The following KIRREL3 variants were observed in gnomAD, a reference collection of about 807,000 sequenced individuals.
KIRREL3 encodes kin of IRRE-like protein 3.
Under a neutral mutation model 89.7 loss-of-function variants are expected in KIRREL3, and 36 were observed. The observed-to-expected ratio is 0.40, with a 90% confidence interval of 0.31 to 0.53. KIRREL3 has a LOEUF of 0.53. Ranked by LOEUF, KIRREL3 falls within the 20% of genes least tolerant of loss-of-function variation. The pLI, the probability that KIRREL3 is intolerant of heterozygous loss-of-function variation, is 0.49. For missense variants in KIRREL3, 864 were observed against 1,056.6 expected, an observed-to-expected ratio of 0.82 and a Z score of 2.53; for synonymous variants, 445 against 441.4, an observed-to-expected ratio of 1.01 and a Z score of -0.10.
chr11:126,646,865 C>T (rs1944710461), intron 1 of KIRREL3, among the ~76,000 whole-genome samples: 1 of 152,098 alleles, frequency 6.6e-6, no homozygotes, highest in Non-Finnish European at 1.5e-5. Context: ...CCTACCCAAG[C>T]TCCTGTTCTT....
chr11:126,749,221 G>A (rs1483662013), intron 1 of KIRREL3, among the ~76,000 whole-genome samples: 4 of 152,184 alleles, frequency 2.6e-5, no homozygotes, highest in Non-Finnish European at 5.9e-5. Flanking sequence ...TTTTCGTGGA[G>A]GTATTTATAG....
In KIRREL3 at chr11:126,952,441, T is replaced by C. The variant is rs566238422; in HGVS notation, c.55+48014A>G. Among the ~76,000 whole-genome samples the C allele has an allele frequency of 5.3e-5, 8 of 152,328 alleles. No individual in the cohort carries two copies. The East Asian group carries it at 1.2e-3, about 22-fold the overall frequency. On this transcript the variant is annotated intron_variant, in intron 1 of 16. Coordinates refer to ENST00000525144, the MANE Select transcript of KIRREL3 (RefSeq NM_032531.4). Reference sequence around the variant, plus strand: ...ATTTTTTGATGGGGTTGTTTTTTTCTGGTAAATTTGTTTAAGTTCTTTGTA... The same window carrying C: ...ATTTTTTGATGGGGTTGTTTTTTTCCGGTAAATTTGTTTAAGTTCTTTGTA...
chr11:126,680,631 T>C (rs1946411381), intron 1 of KIRREL3, among the ~76,000 whole-genome samples: 1 of 151,882 alleles, frequency 6.6e-6, no homozygotes, highest in Non-Finnish European at 1.5e-5. Flanking sequence ...TTATCTGGAG[T>C]AATTGCCTTA....
chr11:126,926,609 T>G (rs535951930), intron 1 of KIRREL3, among the ~76,000 whole-genome samples: 3,125 of 152,220 alleles, frequency 0.021, 45 homozygotes, highest in Middle Eastern at 0.051. Context: ...CCTGCCCCGG[T>G]GACTTGCTGC....
In KIRREL3 at chr11:126,748,061, G is replaced by T. The variant is rs1949212434; in HGVS notation, c.56-185149C>A. 6.6e-6 allele frequency among the ~76,000 whole-genome samples: 1 copy of T among 152,170 alleles called. No individual in the cohort carries two copies. Among genetic ancestry groups the T allele is most frequent in the Non-Finnish European group, 1.5e-5 (1 of 68,020 alleles). ...TGCCTCCCTAGTGACTGATTTATCTGCTCCTTGAATCTGAGGAGGTTCACC... is the reference window on the plus strand; with the variant it reads ...TGCCTCCCTAGTGACTGATTTATCTTCTCCTTGAATCTGAGGAGGTTCACC... On this transcript the variant is annotated intron_variant, in intron 1 of 16. Transcript: ENST00000525144. The surrounding 1 kb of genome is among the most constrained non-coding windows in gnomAD (Gnocchi z 4.6).
chr11:126,847,814 C>A (rs190886671), intron 1 of KIRREL3, among the ~76,000 whole-genome samples: 13 of 152,146 alleles, frequency 8.5e-5, no homozygotes, highest in Admixed American at 1.3e-4. Flanking sequence ...TTTCCCTCTA[C>A]CTGATTGCTT....
chr11:126,556,485 T>TA (rs1209015237), intron 2 of KIRREL3, among the ~76,000 whole-genome samples: 3 of 152,026 alleles, frequency 2.0e-5, no homozygotes, highest in Non-Finnish European at 2.9e-5. Context: ...TACGAAAATT[T>TA]AAAAAATTAG....
intron 1 of KIRREL3, among the ~76,000 whole-genome samples, chr11:126,845,040 GACC>G (rs1944093746): frequency 6.6e-6 from 1 of 151,990 alleles, no homozygotes; most frequent in Non-Finnish European, 1.5e-5. Flanking sequence ...CTTGGCCAGC[GACC>G]ACAAGTTGAA....
intron 7 of KIRREL3, among the ~76,000 whole-genome samples, chr11:126,450,186 T>G (rs891010455): frequency 6.6e-6 from 1 of 150,670 alleles, no homozygotes; most frequent in South Asian, 2.1e-4. Flanking sequence ...CATGTATGTG[T>G]GTGCATGTGT....
Position 126,550,779 on chromosome 11 carries a change from C to T in KIRREL3, c.133+12056G>A, listed in dbSNP as rs554215488. 5 of 152,358 alleles carry T rather than the reference C, an allele frequency of 3.3e-5. No individual in the cohort carries two copies. The highest frequency in any genetic ancestry group is 5.9e-5 in the Non-Finnish European group (4 of 68,048). The allele number at this position is 152,358 out of a possible 1,614,324, so 9.4% of individuals were successfully genotyped here. A position where few individuals can be genotyped will look rare whatever the true frequency, so the allele number is the denominator to read the frequency against. On this transcript the variant is annotated intron_variant, in intron 2 of 16. Transcript: ENST00000525144. This position sits in a 1 kb window ranked among gnomAD's most constrained non-coding sequence, Gnocchi z 4.9. Reference sequence around the variant, plus strand: ...TCTCCCCAACTGCATTTTTCCTCTACACTCACCACAACAGTCCACACAGGA... The same window carrying T: ...TCTCCCCAACTGCATTTTTCCTCTATACTCACCACAACAGTCCACACAGGA...
chr11:126,583,978 C>T (rs529864664), intron 1 of KIRREL3, among the ~76,000 whole-genome samples: 8 of 152,294 alleles, frequency 5.3e-5, no homozygotes, highest in African/African-American at 1.7e-4. Flanking sequence ...CGGCAACTAT[C>T]CCCATGTTTA....
intron 5 of KIRREL3, among the ~76,000 whole-genome samples, chr11:126,473,024 T>TCCC (rs1956952761): frequency 1.9e-5 from 1 of 53,442 alleles, no homozygotes. Context: ...CCCCCCACTA[T>TCCC]CCTCCCCTCT....
At position 126,970,552 on chromosome 11, in the gene KIRREL3, A is replaced by C. The variant is rs1331806085; in HGVS notation, c.55+29903T>G. ...AAAAAGTCATGAATTGTACCAGTAT[A>C]TTGTCATCTAAGGAAATCTGATTTT... is the stretch of plus-strand genomic sequence containing the variant. On this transcript the variant is annotated intron_variant, in intron 1 of 16. Coordinates refer to ENST00000525144, the MANE Select transcript of KIRREL3 (RefSeq NM_032531.4). This position sits in a 1 kb window ranked among gnomAD's most constrained non-coding sequence, Gnocchi z 4.4. 1.3e-5 allele frequency among the ~76,000 whole-genome samples: 2 copies of C among 152,196 alleles called. No homozygotes were observed. Among genetic ancestry groups the C allele is most frequent in the Non-Finnish European group, 2.9e-5 (2 of 68,040 alleles).
At chr11:126,751,543 G>C (rs529460201) in intron 1 of KIRREL3, among the ~76,000 whole-genome samples, 1 of 152,244 alleles carries the variant, frequency 6.6e-6, no homozygotes, top group East Asian at 1.9e-4. Flanking sequence ...TTTGTTAAGA[G>C]AGTTACGATG....
Position 126,715,132 on chromosome 11 carries a change from C to T in KIRREL3, c.56-152220G>A, listed in dbSNP as rs940600152. 6.6e-6 allele frequency among the ~76,000 whole-genome samples: 1 copy of T among 152,236 alleles called. No individual in the cohort carries two copies. Among genetic ancestry groups the T allele is most frequent in the Non-Finnish European group, 1.5e-5 (1 of 68,042 alleles). On this transcript the variant is annotated intron_variant, in intron 1 of 16. Transcript: ENST00000525144. The surrounding 1 kb of genome is among the most constrained non-coding windows in gnomAD (Gnocchi z 4.4). Reference sequence around the variant, plus strand: ...CTTTCACCTTGTGACAATGCCCAGACAACTAATAGAGTCTCTGTTTTGCCA... The same window carrying T: ...CTTTCACCTTGTGACAATGCCCAGATAACTAATAGAGTCTCTGTTTTGCCA...
rs1938027617 is a variant in KIRREL3 at position 126,537,843 on chromosome 11, T to G, written c.134-11156A>C. On this transcript the variant is annotated intron_variant, in intron 2 of 16. Coordinates refer to ENST00000525144, the MANE Select transcript of KIRREL3 (RefSeq NM_032531.4). This position sits in a 1 kb window ranked among gnomAD's most constrained non-coding sequence, Gnocchi z 4.3. ...ACTTTCGTCACTATCCACAAGTCTTTCCTGAGCTTGGGACTGTTAAAACAG... is the reference window on the plus strand; with the variant it reads ...ACTTTCGTCACTATCCACAAGTCTTGCCTGAGCTTGGGACTGTTAAAACAG... Among the ~76,000 whole-genome samples the G allele has an allele frequency of 6.6e-6, 1 of 152,242 alleles. No homozygotes were observed. Among genetic ancestry groups the G allele is most frequent in the Non-Finnish European group, 1.5e-5 (1 of 68,036 alleles).
rs1944563854 is a variant in KIRREL3 at position 126,643,866 on chromosome 11, C to A, written c.56-80954G>T. On this transcript the variant is annotated intron_variant, in intron 1 of 16. Transcript: ENST00000525144. The surrounding 1 kb of genome is among the most constrained non-coding windows in gnomAD (Gnocchi z 4.5). ...GAGGAAGAGCAAAGCTGACCCTGAG[C>A]ATTTAGGGAGAAAGAATTGAAAAGA... 6.6e-6 allele frequency among the ~76,000 whole-genome samples: 1 copy of A among 152,090 alleles called. No individual in the cohort carries two copies. The highest frequency in any genetic ancestry group is 2.4e-5 in the African/African-American group (1 of 41,432).
intron 1 of KIRREL3, among the ~76,000 whole-genome samples, chr11:126,637,136 A>G (rs1944296927): frequency 2.0e-5 from 3 of 152,134 alleles, no homozygotes; most frequent in Non-Finnish European, 4.4e-5. Context: ...CCTTTGCCTC[A>G]TCATACTCTG....
At chr11:126,506,071 T>A (rs1416463590) in intron 4 of KIRREL3, among the ~76,000 whole-genome samples, 9 of 152,206 alleles carry the variant, frequency 5.9e-5, no homozygotes, top group Admixed American at 5.2e-4. Flanking sequence ...GATATCTGTA[T>A]GCAAAAATGA....
Sources: gnomAD v4.1 joint callset for allele counts (sites outside exome capture counted in the v4.1 genomes callset) on GRCh38, gnomAD v4.1.1 for gene constraint, Gnocchi (gnomAD v3.1) non-coding constraint, MANE v1.5 for transcripts, NCBI Gene and HGNC (gene_info 2026-07-23, HGNC 2026-07-21) for gene names.